Variants in SLC24A3 observed in about 807,000 individuals in gnomAD.
The protein encoded by SLC24A3 is sodium/potassium/calcium exchanger 3.
SLC24A3 carries 28 observed loss-of-function variants against 75.8 expected under a neutral mutation model. The ratio of observed to expected loss-of-function variants is 0.37; its 90% CI spans 0.27 to 0.51. SLC24A3 has a LOEUF of 0.51. SLC24A3 is among the 20% of genes least tolerant of loss of function. The probability of loss-of-function intolerance (pLI) is 0.94; values close to 1 mark genes in which losing one functional copy is unlikely to be tolerated. For missense variants in SLC24A3, 663 were observed against 847.8 expected (o/e 0.78, Z 2.71); for synonymous variants, 372 against 334.1 (o/e 1.11, Z -1.24).
At chr20:19,579,710 G>A (rs2031191945) in intron 3 of SLC24A3, among the ~76,000 whole-genome samples, 1 of 152,232 alleles carries the variant, frequency 6.6e-6, no homozygotes, top group African/African-American at 2.4e-5. Context: ...ATATCTTGGG[G>A]CAGAGTGTTC....
At chr20:19,428,004 G>A (rs6132203) in intron 2 of SLC24A3, among the ~76,000 whole-genome samples, 7,701 of 152,254 alleles carry the variant, frequency 0.051, 609 homozygotes, top group East Asian at 0.37. Context: ...GGGATCTTGC[G>A]TTGCTGTGCT....
intron 3 of SLC24A3, among the ~76,000 whole-genome samples, chr20:19,569,167 A>G (rs2031009490): frequency 3.9e-5 from 6 of 152,184 alleles, no homozygotes; most frequent in Admixed American, 3.9e-4. Context: ...TCTGGGAGGC[A>G]CAAATCCACA....
intron 2 of SLC24A3, among the ~76,000 whole-genome samples, chr20:19,437,908 G>A (rs1399109639): frequency 6.6e-6 from 1 of 152,132 alleles, no homozygotes; most frequent in African/African-American, 2.4e-5. Flanking sequence ...CCACCATTTT[G>A]CCACAAGCTG....
intron 6 of SLC24A3, among the ~76,000 whole-genome samples, chr20:19,616,839 G>A (rs1334343483): frequency 6.6e-6 from 1 of 152,136 alleles, no homozygotes; most frequent in Non-Finnish European, 1.5e-5. Flanking sequence ...TTAGGCAGCT[G>A]AGAACCCCCT....
At chr20:19,433,280 A>G (rs957969543) in intron 2 of SLC24A3, among the ~76,000 whole-genome samples, 2 of 152,194 alleles carry the variant, frequency 1.3e-5, no homozygotes, top group Non-Finnish European at 2.9e-5. Flanking sequence ...TGGGGATTGA[A>G]ACTGGGTCAA....
intron 6 of SLC24A3, among the ~76,000 whole-genome samples, chr20:19,601,450 G>A (rs1034367634): frequency 9.2e-5 from 14 of 152,124 alleles, no homozygotes; most frequent in Non-Finnish European, 1.8e-4. Flanking sequence ...AAAAAGCAAC[G>A]CACCCACAAC....
At chr20:19,333,313 A>G (rs1985043097) in intron 2 of SLC24A3, among the ~76,000 whole-genome samples, 1 of 152,086 alleles carries the variant, frequency 6.6e-6, no homozygotes, top group Admixed American at 6.5e-5. Flanking sequence ...CCCTGGACTT[A>G]ATATTTATCT....
chr20:19,717,506 T>C, intron 15 of SLC24A3, 22 bp from the exon 16 acceptor site: 1 of 1,613,074 alleles, frequency 6.2e-7, no homozygotes, highest in East Asian at 2.2e-5. Flanking sequence ...GTCAGAAGCC[T>C]AACTCTAACC....
At position 19,663,417 on chromosome 20, in the gene SLC24A3, T is replaced by TCCTCCA. The variant is rs1284461633; in HGVS notation, c.688-2442_688-2441insACCTCC. ...GGAGGCCTCCTCCTCCACCTCCTCC[T>TCCTCCA]CCTCCTCCTCCTCCTCCGCCTTCTC... On this transcript the variant is annotated intron_variant, in intron 7 of 16. Transcript: ENST00000328041. 8.1e-5 allele frequency among the ~76,000 whole-genome samples: 3 copies of TCCTCCA among 37,064 alleles called. 1 individual carries two copies. The highest frequency in any genetic ancestry group is 7.6e-4 in the African/African-American group (3 of 3,972). 24.3% of individuals were successfully genotyped at this position (37,064 alleles called of 152,430 possible).
rs193138773 is a variant in SLC24A3 at position 19,547,969 on chromosome 20, A to G, written c.349-32031A>G. ...GGTACAGTCCAGGATTTTTTCCCCC[A>G]GATCAAAAATGCCCAGACAAGTTTT... On this transcript the variant is annotated intron_variant, in intron 3 of 16. Coordinates refer to ENST00000328041, the MANE Select transcript of SLC24A3 (RefSeq NM_020689.4). Among the ~76,000 whole-genome samples, 395 of 152,346 alleles carry G rather than the reference A, an allele frequency of 2.6e-3. 2 individuals are homozygous for G. The highest frequency in any genetic ancestry group is 3.9e-3 in the Non-Finnish European group (266 of 68,030).
chr20:19,218,968 G>A (rs1319180372), intron 1 of SLC24A3, among the ~76,000 whole-genome samples: 2 of 152,132 alleles, frequency 1.3e-5, no homozygotes, highest in South Asian at 2.1e-4. Context: ...TGCCAGGAAG[G>A]TAATTTGGAT....
chr20:19,547,121 G>A (rs924634931), intron 3 of SLC24A3, among the ~76,000 whole-genome samples: 1 of 152,156 alleles, frequency 6.6e-6, no homozygotes, highest in African/African-American at 2.4e-5. Context: ...TATACATTGT[G>A]GCATTATTTG....
At chr20:19,570,325 C>A (rs898036842) in intron 3 of SLC24A3, among the ~76,000 whole-genome samples, 2 of 152,190 alleles carry the variant, frequency 1.3e-5, no homozygotes, top group African/African-American at 4.8e-5. Context: ...CCTCCTCCAA[C>A]ACTCAGGATC....
intron 3 of SLC24A3, among the ~76,000 whole-genome samples, chr20:19,552,106 G>A (rs1306161672): frequency 6.6e-6 from 1 of 152,178 alleles, no homozygotes; most frequent in Non-Finnish European, 1.5e-5. Flanking sequence ...CCCCGTCTTT[G>A]AATCTTTCAT....
chr20:19,522,752 T>C (rs1473172990), intron 3 of SLC24A3, among the ~76,000 whole-genome samples: 4 of 149,860 alleles, frequency 2.7e-5, no homozygotes, highest in African/African-American at 9.8e-5. Flanking sequence ...GTTGCTGCCA[T>C]GCCCAGGGCT....
intron 2 of SLC24A3, among the ~76,000 whole-genome samples, chr20:19,380,637 G>C (rs1368702739): frequency 6.6e-6 from 1 of 152,130 alleles, no homozygotes; most frequent in African/African-American, 2.4e-5. Flanking sequence ...AGCCTCTGAG[G>C]AAAAGCACTG....
intron 6 of SLC24A3, among the ~76,000 whole-genome samples, chr20:19,625,906 G>T (rs1239331964): frequency 6.6e-6 from 1 of 152,054 alleles, no homozygotes; most frequent in Admixed American, 6.5e-5. Context: ...TTCAGGCATT[G>T]TAAATCTATT....
chr20:19,410,146 AC>A (rs1328515519), intron 2 of SLC24A3, among the ~76,000 whole-genome samples: 1 of 152,148 alleles, frequency 6.6e-6, no homozygotes, highest in Non-Finnish European at 1.5e-5. Context: ...GTTGGAAGGA[AC>A]CATGTAACAA....
intron 9 of SLC24A3, among the ~76,000 whole-genome samples, chr20:19,675,504 C>T (rs2032512087): frequency 6.6e-6 from 1 of 152,176 alleles, no homozygotes; most frequent in Non-Finnish European, 1.5e-5. Flanking sequence ...TTGGCCAGTG[C>T]CCAGGGTGGG....
Sources: gnomAD v4.1 joint callset for allele counts (sites outside exome capture counted in the v4.1 genomes callset) on GRCh38, gnomAD v4.1.1 for gene constraint, MANE v1.5 for transcripts, NCBI Gene and HGNC (gene_info 2026-07-23, HGNC 2026-07-21) for gene names.